The following CFDP1 variants were observed in gnomAD, a reference collection of about 807,000 sequenced individuals.
CFDP1 encodes chromatin remodeling protein CFDP1, also known as heterochromatin-stabilizing protein CFDP1.
A neutral mutation model predicts 40.1 loss-of-function variants in CFDP1; 31 were observed. The ratio of observed to expected loss-of-function variants is 0.77; its 90% confidence interval spans 0.58 to 1.04. The LOEUF is 1.04. Ranked by LOEUF, CFDP1 falls within the 50% of genes least tolerant of loss-of-function variation. CFDP1 has a pLI of 0.00. For missense variants in CFDP1, 423 were observed against 343.4 expected (o/e 1.23, Z -1.83); for synonymous variants, 167 against 120.0 (o/e 1.39, Z -2.56).
intron 1 of CFDP1, among the ~76,000 whole-genome samples, chr16:75,424,297 G>A (rs530556175): frequency 1.8e-4 from 27 of 152,280 alleles, no homozygotes; most frequent in Non-Finnish European, 3.1e-4. Context: ...GTAAAATGCA[G>A]AACACAATTA....
chr16:75,405,019 T>C (rs2079086451), intron 4 of CFDP1, among the ~76,000 whole-genome samples: 1 of 152,206 alleles, frequency 6.6e-6, no homozygotes, highest in African/African-American at 2.4e-5. Flanking sequence ...CTACCTGTTA[T>C]TGGTCCAAGA....
At chr16:75,340,723 T>C (rs986033821) in intron 5 of CFDP1, among the ~76,000 whole-genome samples, 12 of 152,230 alleles carry the variant, frequency 7.9e-5, no homozygotes, top group African/African-American at 2.9e-4. Flanking sequence ...CTGTCACAGA[T>C]TCTTTTCTGT....
At chr16:75,353,405 A>G (rs1311987490) in intron 5 of CFDP1, among the ~76,000 whole-genome samples, 2 of 152,034 alleles carry the variant, frequency 1.3e-5, no homozygotes, top group Non-Finnish European at 2.9e-5. Flanking sequence ...ATTATATACA[A>G]TACCTGAAAT....
Position 75,297,005 on chromosome 16 carries a change from T to C in CFDP1, c.810-2963A>G, listed in dbSNP as rs189135952. 7.2e-3 allele frequency among the ~76,000 whole-genome samples: 1,099 copies of C among 152,302 alleles called. 16 individuals are homozygous for C. Among genetic ancestry groups the C allele is most frequent in the African/African-American group, 0.025 (1,045 of 41,554 alleles). ...AAGATACTTAATTTTCTGTGCCTTT[T>C]TTTCCTTCTCTGTAAAACAGAATAA... On this transcript the variant is annotated intron_variant, in intron 6 of 6. Transcript: ENST00000283882.
intron 5 of CFDP1, among the ~76,000 whole-genome samples, chr16:75,392,729 C>T (rs2078962438): frequency 6.6e-6 from 1 of 152,192 alleles, no homozygotes. Context: ...AGTATTTACT[C>T]CTACTACATG....
chr16:75,295,617 G>A (rs955340426), intron 6 of CFDP1, among the ~76,000 whole-genome samples: 1 of 152,204 alleles, frequency 6.6e-6, no homozygotes, highest in Non-Finnish European at 1.5e-5. Context: ...CACCTGGTCT[G>A]GCTCAGGTAC....
intron 5 of CFDP1, among the ~76,000 whole-genome samples, chr16:75,360,021 C>T (rs1475875539): frequency 6.6e-6 from 1 of 152,160 alleles, no homozygotes; most frequent in African/African-American, 2.4e-5. Context: ...CCTCCTGCCT[C>T]AGCCTTCCCA....
intron 5 of CFDP1, among the ~76,000 whole-genome samples, chr16:75,377,823 C>G (rs1228184919): frequency 6.6e-6 from 1 of 152,176 alleles, no homozygotes; most frequent in Non-Finnish European, 1.5e-5. Context: ...TTGCCCCAAA[C>G]TGCTTTAGCA....
chr16:75,424,673 G>A lies in CFDP1; in HGVS notation c.64+8616C>T, dbSNP rs995320722. On this transcript the variant is annotated intron_variant, in intron 1 of 6. Transcript: ENST00000283882. ...GGAGGCTGAGGCAGAAGAATGGCGTGAACCCAGGAGGCAGAGGTCACAGTG... is the reference window on the plus strand; with the variant it reads ...GGAGGCTGAGGCAGAAGAATGGCGTAAACCCAGGAGGCAGAGGTCACAGTG... 2.0e-5 allele frequency among the ~76,000 whole-genome samples: 3 copies of A among 150,412 alleles called. No homozygotes were observed. The East Asian group carries it at 5.9e-4, about 29-fold the overall frequency.
intron 5 of CFDP1, among the ~76,000 whole-genome samples, chr16:75,307,475 C>T (rs988525687): frequency 6.6e-6 from 1 of 152,168 alleles, no homozygotes; most frequent in Non-Finnish European, 1.5e-5. Context: ...CCTCGGCCCC[C>T]CAAAGTGCTG....
chr16:75,299,902 A>G (rs1252116677), intron 6 of CFDP1, among the ~76,000 whole-genome samples: 1 of 152,122 alleles, frequency 6.6e-6, no homozygotes, highest in East Asian at 1.9e-4. Context: ...AGAGCCCTGG[A>G]TGACAAATCA....
chr16:75,427,294 A>C (rs749026115), intron 1 of CFDP1, among the ~76,000 whole-genome samples: 17 of 151,686 alleles, frequency 1.1e-4, no homozygotes, highest in Non-Finnish European at 1.9e-4. Flanking sequence ...TCTCTTGCCC[A>C]GGCTGGAGTG....
At chr16:75,400,747 G>C (rs1164090875) in intron 4 of CFDP1, among the ~76,000 whole-genome samples, 1 of 152,202 alleles carries the variant, frequency 6.6e-6, no homozygotes, top group East Asian at 1.9e-4. Flanking sequence ...CTGTACAACT[G>C]AGTTACAAGA....
intron 5 of CFDP1, among the ~76,000 whole-genome samples, chr16:75,340,843 T>C (rs2078521958): frequency 6.6e-6 from 1 of 152,170 alleles, no homozygotes; most frequent in Admixed American, 6.5e-5. Flanking sequence ...GAGGACCAGC[T>C]TCTTCATTAA....
chr16:75,412,457 C>A, intron 3 of CFDP1, 78 bp downstream of exon 3: 2 of 1,118,582 alleles, frequency 1.8e-6, no homozygotes, highest in South Asian at 2.6e-5. Flanking sequence ...GGCATCTGGT[C>A]GATTTCCGTA....
chr16:75,411,385 T>C (rs564727490), intron 4 of CFDP1, among the ~76,000 whole-genome samples: 227 of 152,294 alleles, frequency 1.5e-3, no homozygotes, highest in Non-Finnish European at 2.2e-3. Flanking sequence ...CATTCCATCC[T>C]GGGCTACAGA....
intron 5 of CFDP1, among the ~76,000 whole-genome samples, chr16:75,334,736 C>G (rs2078473454): frequency 6.6e-6 from 1 of 152,108 alleles, no homozygotes; most frequent in Non-Finnish European, 1.5e-5. Context: ...AGGCGGATAA[C>G]TGGAGGTGAG....
intron 5 of CFDP1, among the ~76,000 whole-genome samples, chr16:75,317,392 G>T (rs2078330686): frequency 6.6e-6 from 1 of 152,154 alleles, no homozygotes; most frequent in Non-Finnish European, 1.5e-5. Flanking sequence ...CATGGTGGGG[G>T]AGTCCTGGCA....
intron 5 of CFDP1, among the ~76,000 whole-genome samples, chr16:75,390,808 C>T (rs984870052): frequency 1.3e-5 from 2 of 152,202 alleles, no homozygotes; most frequent in African/African-American, 4.8e-5. Context: ...CCTTTCTTCC[C>T]CTGCCATTAA....
Sources: allele counts gnomAD v4.1 joint callset (sites outside exome capture counted in the v4.1 genomes callset), GRCh38; gene constraint gnomAD v4.1.1; transcripts MANE v1.5; gene names NCBI Gene and HGNC (gene_info 2026-07-23, HGNC 2026-07-21).